PCDH11X: variants seen among roughly 807,000 people sequenced by gnomAD.
PCDH11X encodes the protein protocadherin 11 X-linked.
In PCDH11X, 18 loss-of-function variants were observed where a neutral mutation model predicts 53.3. The observed-to-expected ratio is 0.34, with a 90% CI of 0.23 to 0.50. The LOEUF is 0.50. Ranked by LOEUF, PCDH11X falls within the 20% of genes least tolerant of loss-of-function variation. The pLI is 0.98. For missense variants in PCDH11X, 570 were observed against 1,032.4 expected, an observed-to-expected ratio of 0.55 and a Z score of 6.14; for synonymous variants, 279 against 393.3, an observed-to-expected ratio of 0.71 and a Z score of 3.44.
chrX:92,201,311 A>G (rs1434682109), intron 6 of PCDH11X, 64 bp from the exon 7 acceptor site: 2 of 1,155,949 alleles, frequency 1.7e-6, no homozygotes, highest in African/African-American at 3.6e-5. Flanking sequence ...TTTATATGAA[A>G]TGTACTGTGT....
intron 9 of PCDH11X, among the ~76,000 whole-genome samples, chrX:92,429,290 T>C (rs1433253881): frequency 9.1e-6 from 1 of 110,030 alleles, no homozygotes; most frequent in Admixed American, 9.8e-5. Flanking sequence ...TGTTATGCTC[T>C]CAATTGGCCT....
chrX:91,935,665 G>A (rs1216439584), intron 6 of PCDH11X, among the ~76,000 whole-genome samples: 1 of 109,540 alleles, frequency 9.1e-6, no homozygotes, highest in African/African-American at 3.3e-5. Flanking sequence ...AGGTTAAGGC[G>A]GCCCCAATGA....
rs2074143655 is a variant in PCDH11X at position 92,510,512 on chromosome X, C to T, written c.3367+42190C>T. On this transcript the variant is annotated intron_variant, in intron 10 of 10. Transcript: ENST00000682573. Reference sequence around the variant, plus strand: ...AATCTCTACTTCTTAACCTATGAAGCTTTAACCTAAGGGCATTTAGTGCAT... The same window carrying T: ...AATCTCTACTTCTTAACCTATGAAGTTTTAACCTAAGGGCATTTAGTGCAT... Among the ~76,000 whole-genome samples the T allele has an allele frequency of 3.9e-5, 4 of 102,868 alleles. No individual in the cohort carries two copies. The South Asian group carries it at 2.0e-3, about 52-fold the overall frequency. 89.3% of individuals were successfully genotyped at this position (102,868 alleles called of 115,157 possible).
chrX:92,493,727 A>C (rs1411866444), intron 10 of PCDH11X, among the ~76,000 whole-genome samples: 1 of 102,426 alleles, frequency 9.8e-6, no homozygotes, highest in East Asian at 3.1e-4. Context: ...GCTCACTGCA[A>C]CTTCCTCCTC....
intron 10 of PCDH11X, among the ~76,000 whole-genome samples, chrX:92,606,020 T>C (rs142001398): frequency 0.24 from 26,345 of 108,383 alleles, 2,629 homozygotes; most frequent in African/African-American, 0.33. Context: ...TCACCTGAGG[T>C]TGGGAGTTCG....
At chrX:92,536,057 A>G (rs1420244041) in intron 10 of PCDH11X, among the ~76,000 whole-genome samples, 1 of 106,876 alleles carries the variant, frequency 9.4e-6, no homozygotes. Context: ...TTTCTATATT[A>G]CTCAGAGGTT....
intron 4 of PCDH11X, among the ~76,000 whole-genome samples, chrX:91,825,425 T>A (rs772558263): frequency 1.8e-5 from 2 of 111,132 alleles, no homozygotes; most frequent in Admixed American, 9.5e-5. Context: ...TCGGGTGGGA[T>A]TGACCCGATT....
intron 9 of PCDH11X, chrX:92,460,402 A>T: frequency 1.1e-6 from 1 of 900,342 alleles, no homozygotes; most frequent in Non-Finnish European, 1.6e-6. Context: ...CCTCGCCAAG[A>T]TCATGGCAGA....
chrX:92,374,755 C>T (rs1458793163), intron 8 of PCDH11X, among the ~76,000 whole-genome samples: 2 of 110,443 alleles, frequency 1.8e-5, no homozygotes, highest in Non-Finnish European at 3.8e-5. Flanking sequence ...ACACTGTTGC[C>T]ATTTAACAAA....
intron 10 of PCDH11X, among the ~76,000 whole-genome samples, chrX:92,490,371 T>A (rs1049339465): frequency 8.9e-6 from 1 of 111,975 alleles, no homozygotes; most frequent in African/African-American, 3.2e-5. Flanking sequence ...TATTCTGCGC[T>A]ATTTTTCTTC....
intron 8 of PCDH11X, among the ~76,000 whole-genome samples, chrX:92,330,107 C>T (rs1375154304): frequency 1.8e-5 from 2 of 110,000 alleles, no homozygotes; most frequent in Non-Finnish European, 3.8e-5. Context: ...TAAGTATATA[C>T]ACCTACTATA....
chrX:92,017,189 G>T (rs1365115143), intron 6 of PCDH11X, among the ~76,000 whole-genome samples: 5 of 107,496 alleles, frequency 4.7e-5, no homozygotes, highest in Non-Finnish European at 9.6e-5. Flanking sequence ...TAATTAAATT[G>T]TACATTTTAA....
chrX:92,282,986 C>T lies in PCDH11X; in HGVS notation c.3144+19843C>T, dbSNP rs774062992. Among the ~76,000 whole-genome samples the T allele has an allele frequency of 4.7e-3, 518 of 110,872 alleles. 2 individuals are homozygous for T. Among genetic ancestry groups the T allele is most frequent in the African/African-American group, 0.016 (483 of 30,628 alleles). On this transcript the variant is annotated intron_variant, in intron 8 of 10. Coordinates refer to ENST00000682573, the MANE Select transcript of PCDH11X (RefSeq NM_032968.5). The stretch of plus-strand genomic sequence containing the variant: ...ATCTATCTATAGATCTATTATTGCT[C>T]GAATTTATTGAGCTCATGTCATGTG...
chrX:92,034,392 A>G (rs1380243703), intron 6 of PCDH11X, among the ~76,000 whole-genome samples: 1 of 107,032 alleles, frequency 9.3e-6, no homozygotes, highest in Non-Finnish European at 1.9e-5. Flanking sequence ...CTTTAACTCT[A>G]ATATTTTTTT....
At chrX:91,924,845 A>G (rs1260085040) in intron 6 of PCDH11X, among the ~76,000 whole-genome samples, 2 of 111,328 alleles carry the variant, frequency 1.8e-5, no homozygotes, top group Admixed American at 9.6e-5. Flanking sequence ...CTAGTATAGA[A>G]ACATCTGAAT....
intron 6 of PCDH11X, among the ~76,000 whole-genome samples, chrX:91,998,169 A>G (rs2062450857): frequency 9.1e-6 from 1 of 110,010 alleles, no homozygotes; most frequent in African/African-American, 3.3e-5. Flanking sequence ...CCTGACCTCA[A>G]GTGATCTGCC....
chrX:91,793,243 A>C (rs2147524706), intron 1 of PCDH11X, among the ~76,000 whole-genome samples: 1 of 108,332 alleles, frequency 9.2e-6, no homozygotes, highest in South Asian at 4.0e-4. Flanking sequence ...TTTAGGTGTC[A>C]GAGACAATAA....
chrX:91,855,381 T>A (rs1220904048), intron 5 of PCDH11X, among the ~76,000 whole-genome samples: 3 of 111,302 alleles, frequency 2.7e-5, no homozygotes, highest in Non-Finnish European at 5.6e-5. Context: ...GCCAATACCA[T>A]GCTATTTGGT....
intron 9 of PCDH11X, among the ~76,000 whole-genome samples, chrX:92,395,743 T>C (rs756528807): frequency 9.0e-6 from 1 of 111,244 alleles, no homozygotes; most frequent in African/African-American, 3.3e-5. Context: ...AGCAACAACT[T>C]AATGTTCTAA....
Sources: gnomAD v4.1 joint callset for allele counts (sites outside exome capture counted in the v4.1 genomes callset) on GRCh38, gnomAD v4.1.1 for gene constraint, MANE v1.5 for transcripts, NCBI Gene and HGNC (gene_info 2026-07-23, HGNC 2026-07-21) for gene names.